The following NAA60 variants were observed in gnomAD, a reference collection of about 807,000 sequenced individuals.
The protein encoded by NAA60 is N-alpha-acetyltransferase 60, NatF catalytic subunit, also known as N-alpha-acetyltransferase 60.
In NAA60, 8 loss-of-function variants were observed where a neutral mutation model predicts 26.1. The ratio of observed to expected loss-of-function variants is 0.31; its 90% CI spans 0.18 to 0.55. The LOEUF (loss-of-function observed/expected upper bound fraction) is 0.55, where lower values mean the gene tolerates loss of function less well. Ranked by LOEUF, NAA60 falls within the 20% of genes least tolerant of loss-of-function variation. The pLI is 0.93. For missense variants in NAA60, 290 were observed against 311.3 expected, an observed-to-expected ratio of 0.93 and a Z score of 0.51; for synonymous variants, 131 against 122.5, an observed-to-expected ratio of 1.07 and a Z score of -0.46.
rs191103364 is a variant in NAA60, at chr16:3,448,584, T to C, written c.-7+44T>C. 4,229 of 1,477,704 alleles carry C rather than the reference T, an allele frequency of 2.9e-3. 23 individuals carry two copies. The highest frequency in any genetic ancestry group is 0.019 in the Admixed American group (945 of 48,782). 91.5% of individuals were successfully genotyped at this position (1,477,704 alleles called of 1,614,324 possible). A position where few individuals can be genotyped will look rare whatever the true frequency, so the allele number is the denominator to read the frequency against. On this transcript the variant is annotated intron_variant, in intron 2 of 7. Transcript: ENST00000407558. Reference sequence around the variant, plus strand: ...TGTCCTGCTATTAATGATGCCCTCATAGTCAGAGGAAGCCTACTTAAGTGA... The same window carrying C: ...TGTCCTGCTATTAATGATGCCCTCACAGTCAGAGGAAGCCTACTTAAGTGA...
intron 2 of NAA60, chr16:3,458,327 G>A (rs1596300526): frequency 2.6e-6 from 1 of 388,632 alleles, no homozygotes; most frequent in Non-Finnish European, 3.5e-6. Flanking sequence ...GGCCGCGCCC[G>A]CGCCCCCGGC....
rs139111536 is a variant in NAA60 at position 3,463,267 on chromosome 16, G to A, written c.-6-12955G>A. Among the ~76,000 whole-genome samples, 1,080 of 152,050 alleles carry A rather than the reference G, an allele frequency of 7.1e-3. 12 individuals are homozygous for A. The highest frequency in any genetic ancestry group is 0.025 in the African/African-American group (1,021 of 41,448). ...TTTTAATATAAAAATGCAAGCTGAG[G>A]CCGGGCCCGGTGGCTCATGCCTATA... On this transcript the variant is annotated intron_variant, in intron 2 of 7. Transcript: ENST00000407558.
chr16:3,484,569 G>A lies in NAA60; in HGVS notation c.573-130G>A, dbSNP rs1176617747. 15 of 1,213,024 alleles carry A rather than the reference G, an allele frequency of 1.2e-5. No individual in the cohort carries two copies. In the Admixed American group the frequency reaches 1.3e-4, roughly 11 times the overall value. The allele number at this position is 1,213,024 out of a possible 1,614,324, so 75.1% of individuals were successfully genotyped here. A position where few individuals can be genotyped will look rare whatever the true frequency, so the allele number is the denominator to read the frequency against. ...CTTTCCAGCTCTGCAGAGGCTTAGC[G>A]GGCTCTCAGCCTCCGAAGCCTGGCT... On this transcript the variant is annotated intron_variant, in intron 6 of 7. Coordinates refer to ENST00000407558, the MANE Select transcript of NAA60 (RefSeq NM_001083601.3).
In NAA60 at chr16:3,455,552, G is replaced by A. The variant is rs529046016; in HGVS notation, c.-7+7012G>A. On this transcript the variant is annotated intron_variant, in intron 2 of 7. Transcript: ENST00000407558. ...TGGGACTACAGGCACCTGCCACCAC[G>A]CCCGGCTAATTTTTCTGTATTTTTA... Among the ~76,000 whole-genome samples the A allele has an allele frequency of 1.4e-4, 21 of 151,240 alleles. 1 individual carries two copies. In the South Asian group the frequency reaches 4.0e-3, roughly 29 times the overall value.
At chr16:3,484,437 C>T (rs1367234395) in intron 6 of NAA60, 1 of 550,852 alleles carries the variant, frequency 1.8e-6, no homozygotes, top group Non-Finnish European at 3.3e-6. Flanking sequence ...CCCGTGCATC[C>T]CTGGGTGTGG....
At chr16:3,464,528 G>A (rs376596933) in intron 2 of NAA60, among the ~76,000 whole-genome samples, 133 of 152,242 alleles carry the variant, frequency 8.7e-4, no homozygotes, top group African/African-American at 2.7e-3. Context: ...TGTCCATCTC[G>A]CCCGCTGCTT....
In NAA60 at chr16:3,483,552, C is replaced by T; in HGVS notation, c.527C>T (p.Thr176Ile). 6.2e-7 allele frequency: 1 copy of T among 1,613,392 alleles called. No homozygotes were observed. The highest frequency in any genetic ancestry group is 8.5e-7 in the Non-Finnish European group (1 of 1,179,698). The change falls in exon 6 of 8, where the codon ACC becomes ATC. Residue 176 changes from threonine (T) to isoleucine (I), a missense_variant. Transcript: ENST00000407558. ...CGAGGGGTCCTCAAAGATGGCTTCA[C>T]CTATGTCCTCTACATCAACGGCGGC... ...SIRGVLKDGF[T>I]YVLYINGGHP...
chr16:3,477,005 C>T (rs916465977), intron 3 of NAA60, among the ~76,000 whole-genome samples: 1 of 151,914 alleles, frequency 6.6e-6, no homozygotes, highest in Non-Finnish European at 1.5e-5. Flanking sequence ...TGCGCCATTG[C>T]ACTCCAGCCT....
intron 6 of NAA60, chr16:3,483,813 G>A (rs957325505): frequency 2.3e-5 from 13 of 559,594 alleles, no homozygotes; most frequent in Middle Eastern, 4.6e-4. Flanking sequence ...GGCTGGTCTC[G>A]AACTCCTAAG....
Position 3,484,717 on chromosome 16 carries a change from G to A in NAA60, c.591G>A (p.Leu197=), listed in dbSNP as rs2037063720. 6.3e-7 allele frequency: 1 copy of A among 1,594,646 alleles called. No individual in the cohort carries two copies. ...PWTILDYIQH[L]GSALASLSPC... ...GCCCCACGGACTACATCCAGCACCT[G>A]GGCTCTGCACTAGCCAGCCTGAGCC... Residue 197 remains leucine (L), a synonymous_variant, in exon 7 of 8, where the codon CTG becomes CTA. Coordinates refer to ENST00000407558, the MANE Select transcript of NAA60 (RefSeq NM_001083601.3).
At chr16:3,468,545 A>C (rs948037526) in intron 2 of NAA60, among the ~76,000 whole-genome samples, 16 of 152,162 alleles carry the variant, frequency 1.1e-4, no homozygotes, top group African/African-American at 3.9e-4. Context: ...ATTTCCATGT[A>C]AAAGAAATAT....
chr16:3,482,421 C>G, intron 4 of NAA60, 81 bp from the exon 5 acceptor site: 1 of 1,176,832 alleles, frequency 8.5e-7, no homozygotes, highest in Non-Finnish European at 1.2e-6. Flanking sequence ...GAAGTCGGTG[C>G]GGAGCCCGCC....
intron 7 of NAA60, 174 bp from the exon 8 acceptor site, chr16:3,485,289 CTTTA>C (rs999768907): frequency 3.6e-5 from 21 of 577,410 alleles, no homozygotes; most frequent in African/African-American, 3.5e-4. Flanking sequence ...CCATCAGTGC[CTTTA>C]TTTGTGTGGG....
chr16:3,443,756 A>T lies in NAA60; in HGVS notation c.-158A>T, dbSNP rs1335744607. 3 of 1,533,058 alleles carry T rather than the reference A, an allele frequency of 2.0e-6. No individual in the cohort carries two copies. The highest frequency in any genetic ancestry group is 3.9e-5 in the Admixed American group (2 of 50,818). The allele number at this position is 1,533,058 out of a possible 1,614,324, so 95.0% of individuals were successfully genotyped here. A position where few individuals can be genotyped will look rare whatever the true frequency, so the allele number is the denominator to read the frequency against. On this transcript the variant is annotated 5_prime_UTR_variant, in exon 1 of 8. Coordinates refer to ENST00000407558, the MANE Select transcript of NAA60 (RefSeq NM_001083601.3). ...TGAAGTAGAGTCTTAGGGTGACCCC[A>T]GGGGGACGTAATGTTTCCGAGAAGA...
At chr16:3,458,131 G>A (rs952641387) in intron 2 of NAA60, 2 of 985,122 alleles carry the variant, frequency 2.0e-6, no homozygotes, top group African/African-American at 3.5e-5. Context: ...TTCGCCTCCA[G>A]GATGCGCTGA....
chr16:3,479,417 C>T, intron 3 of NAA60, 54 bp from the exon 4 acceptor site: 2 of 1,597,104 alleles, frequency 1.3e-6, no homozygotes, highest in Non-Finnish European at 1.7e-6. Context: ...TAGAGCACGA[C>T]CATAGTTGGA....
intron 2 of NAA60, among the ~76,000 whole-genome samples, chr16:3,457,654 G>T (rs2035063559): frequency 6.6e-6 from 1 of 152,232 alleles, no homozygotes; most frequent in Non-Finnish European, 1.5e-5. Context: ...TCAGTTGTTG[G>T]CCAGCCCCGG....
Position 3,470,479 on chromosome 16 carries a change from C to G in NAA60, c.-6-5743C>G, listed in dbSNP as rs571254288. ...CAGGGCGTCAGCAGGAAAGGAGGCC[C>G]CACTTTTTCAGGACCTCTCCCTCCA... is the stretch of plus-strand genomic sequence containing the variant. On this transcript the variant is annotated intron_variant, in intron 2 of 7. Coordinates refer to ENST00000407558, the MANE Select transcript of NAA60 (RefSeq NM_001083601.3). 3.9e-5 allele frequency among the ~76,000 whole-genome samples: 6 copies of G among 152,340 alleles called. No individual in the cohort carries two copies. The East Asian group carries it at 1.2e-3, about 29-fold the overall frequency.
chr16:3,473,038 G>A (rs201874124), intron 2 of NAA60, among the ~76,000 whole-genome samples: 8 of 126,774 alleles, frequency 6.3e-5, no homozygotes, highest in African/African-American at 2.0e-4. Context: ...GTTTTGTTTC[G>A]TTTCATTTCG....
Sources: allele counts gnomAD v4.1 joint callset (sites outside exome capture counted in the v4.1 genomes callset), GRCh38; gene constraint gnomAD v4.1.1; transcripts MANE v1.5; gene names NCBI Gene and HGNC (gene_info 2026-07-23, HGNC 2026-07-21).